CDNF: variants seen among roughly 807,000 people sequenced by gnomAD.
CDNF encodes the protein cerebral dopamine neurotrophic factor, also known as ARMET-like protein 1.
CDNF carries 9 observed loss-of-function variants against 14.8 expected under a neutral mutation model. The observed-to-expected ratio is 0.61, with a 90% CI of 0.37 to 1.06. The LOEUF (loss-of-function observed/expected upper bound fraction) is 1.06, where lower values mean the gene tolerates loss of function less well. Ranked by LOEUF, CDNF falls within the 50% of genes least tolerant of loss-of-function variation. The pLI, the probability that CDNF is intolerant of heterozygous loss-of-function variation, is 0.01. For synonymous variants in CDNF, 86 were observed against 87.2 expected (o/e 0.99, Z 0.07); for missense variants, 228 against 228.4 (o/e 1.00, Z 0.01).
chr10:14,826,095 A>AAGAAGAAGAAGAAGAAGAAGC (rs1426555042), intron 2 of CDNF, among the ~76,000 whole-genome samples: 37 of 87,600 alleles, frequency 4.2e-4, no homozygotes, highest in Non-Finnish European at 5.6e-4. Flanking sequence ...GAAGAAGAAG[A>AAGAAGAAGAAGAAGAAGAAGC]AGCAGCAGCA....
At chr10:14,833,350 C>T (rs1185067080) in intron 1 of CDNF, among the ~76,000 whole-genome samples, 2 of 152,136 alleles carry the variant, frequency 1.3e-5, no homozygotes, top group South Asian at 2.1e-4. Flanking sequence ...GCCTTCCTGA[C>T]GAAGAGGGAA....
intron 1 of CDNF, 104 bp from the exon 2 acceptor site, chr10:14,828,376 T>C (rs1833816995): frequency 1.8e-6 from 2 of 1,139,048 alleles, no homozygotes; most frequent in Admixed American, 2.1e-5. Context: ...GGGCTGGGCA[T>C]GGTGGCTTAC....
rs1360139360 is a variant in CDNF at position 14,819,993 on chromosome 10, T to C, written c.551A>G (p.Lys184Arg). ...LAPKYAATHPKTEL is the reference protein window; with the variant it reads ...LAPKYAATHPRTEL Reference sequence around the variant, plus strand: ...TGGCATTGGAGATCAGAGCTCTGTTTTGGGGTGTGTCGCTGCATACTTGGG... The same window carrying C: ...TGGCATTGGAGATCAGAGCTCTGTTCTGGGGTGTGTCGCTGCATACTTGGG... Residue 184 changes from lysine to arginine, a missense_variant, in exon 4 of 4, where the codon AAA (lysine) becomes AGA (arginine). By Grantham distance (26) the Lys-to-Arg change is conservative. Coordinates refer to ENST00000465530, the MANE Select transcript of CDNF (RefSeq NM_001029954.3). The C allele has an allele frequency of 1.2e-6, 2 of 1,613,756 alleles. No homozygotes were observed. The highest frequency in any genetic ancestry group is 1.1e-5 in the South Asian group (1 of 91,020).
At chr10:14,827,310 A>T (rs899514222) in intron 2 of CDNF, among the ~76,000 whole-genome samples, 2 of 152,180 alleles carry the variant, frequency 1.3e-5, no homozygotes, top group Admixed American at 6.5e-5. Context: ...AACAGCCAAC[A>T]TGCAGATGTA....
chr10:14,828,049 A>C (rs1292621518), intron 2 of CDNF, 96 bp downstream of exon 2: 3 of 1,274,956 alleles, frequency 2.4e-6, no homozygotes, highest in Non-Finnish European at 3.3e-6. Flanking sequence ...TACTTGAGGC[A>C]AACATGTAAG....
rs76708650 is a variant in CDNF at position 14,829,057 on chromosome 10, T to C, written c.116-785A>G. ...TTAAAAATATAAATAAAAAGAATGA[T>C]TTCAGGCCTGTTGCTATTAGTTTAG... On this transcript the variant is annotated intron_variant, in intron 1 of 3. Transcript: ENST00000465530. Among the ~76,000 whole-genome samples the C allele has an allele frequency of 9.6e-3, 1,468 of 152,152 alleles. 29 individuals carry two copies. Among genetic ancestry groups the C allele is most frequent in the African/African-American group, 0.034 (1,401 of 41,522 alleles).
chr10:14,829,444 C>G (rs555393265), intron 1 of CDNF, among the ~76,000 whole-genome samples: 2 of 152,318 alleles, frequency 1.3e-5, no homozygotes, highest in South Asian at 2.1e-4. Flanking sequence ...GACTCTGTCT[C>G]TGCACACACC....
chr10:14,825,448 C>G (rs1833771245), intron 3 of CDNF, 31 bp downstream of exon 3: 2 of 1,601,952 alleles, frequency 1.2e-6, no homozygotes, highest in Admixed American at 3.4e-5. Flanking sequence ...TCCATTGGAC[C>G]TACTGGGAAA....
In CDNF at chr10:14,825,611, G is replaced by A. The variant is rs574212035; in HGVS notation, c.253C>T (p.Leu85=). The change falls in exon 3 of 4, where the codon CTA becomes TTA. Residue 85 remains leucine, a synonymous_variant. Coordinates refer to ENST00000465530, the MANE Select transcript of CDNF (RefSeq NM_001029954.3). ...GTGGCTGCGTCTTTTGTGGCTCCTAGATAATAGCACTGAAGGAAAATGAAG... is the reference window on the plus strand; with the variant it reads ...GTGGCTGCGTCTTTTGTGGCTCCTAAATAATAGCACTGAAGGAAAATGAAG... ...KGKENRLCYY[L]GATKDAATKI... is the part of the protein sequence containing the mutation. The A allele has an allele frequency of 1.2e-6, 2 of 1,613,880 alleles. No individual in the cohort carries two copies. Among genetic ancestry groups the A allele is most frequent in the Non-Finnish European group, 8.5e-7 (1 of 1,179,912 alleles).
intron 3 of CDNF, 57 bp from the exon 4 acceptor site, chr10:14,820,215 T>A: frequency 1.9e-6 from 3 of 1,561,200 alleles, no homozygotes; most frequent in Non-Finnish European, 2.6e-6. Context: ...AAAATCCCTA[T>A]GAATCACTTC....
At chr10:14,833,590 C>A (rs1038949612) in intron 1 of CDNF, among the ~76,000 whole-genome samples, 5 of 151,500 alleles carry the variant, frequency 3.3e-5, no homozygotes, top group African/African-American at 1.2e-4. Flanking sequence ...TCTGGAGAAC[C>A]TTGACTAATA....
intron 1 of CDNF, among the ~76,000 whole-genome samples, chr10:14,829,094 A>C (rs1833822836): frequency 6.6e-6 from 1 of 152,216 alleles, no homozygotes; most frequent in African/African-American, 2.4e-5. Context: ...ATTGGGCCTA[A>C]ATGCAGTGGA....
rs1461695797 is a variant in CDNF, at chr10:14,827,759, G to C, written c.243+386C>G. Among the ~76,000 whole-genome samples, 4 of 152,094 alleles carry C rather than the reference G, an allele frequency of 2.6e-5. No individual in the cohort carries two copies. The East Asian group carries it at 7.7e-4, about 29-fold the overall frequency. On this transcript the variant is annotated intron_variant, in intron 2 of 3. Coordinates refer to ENST00000465530, the MANE Select transcript of CDNF (RefSeq NM_001029954.3). ...AATACATAATTAGCAGGGTGTGGTG[G>C]TGCACACCCGTAATCCTAGCTACTC...
At chr10:14,820,238 G>T in intron 3 of CDNF, 80 bp from the exon 4 acceptor site, 1 of 1,426,682 alleles carries the variant, frequency 7.0e-7, no homozygotes, top group Non-Finnish European at 9.6e-7. Context: ...AAGGCATATA[G>T]TTTGCTTATC....
intron 3 of CDNF, among the ~76,000 whole-genome samples, chr10:14,821,946 A>G (rs959244747): frequency 6.6e-6 from 1 of 152,258 alleles, no homozygotes; most frequent in African/African-American, 2.4e-5. Context: ...TCTTCGGCAA[A>G]GCAAATGAGC....
intron 1 of CDNF, among the ~76,000 whole-genome samples, chr10:14,829,286 C>T (rs1833824536): frequency 6.6e-6 from 1 of 152,206 alleles, no homozygotes; most frequent in Non-Finnish European, 1.5e-5. Flanking sequence ...TGGTGATCTG[C>T]ATAAGTCTTT....
At chr10:14,824,543 T>C (rs924322869) in intron 3 of CDNF, among the ~76,000 whole-genome samples, 5 of 149,438 alleles carry the variant, frequency 3.3e-5, no homozygotes, top group Non-Finnish European at 7.4e-5. Context: ...GAGGCAGAGA[T>C]TGCAGTGAGC....
chr10:14,820,534 C>G (rs545353278), intron 3 of CDNF, among the ~76,000 whole-genome samples: 1 of 151,994 alleles, frequency 6.6e-6, no homozygotes, highest in South Asian at 2.1e-4. Context: ...CGAGACCAGC[C>G]TGGCCAACAT....
intron 3 of CDNF, among the ~76,000 whole-genome samples, chr10:14,823,977 C>T (rs931616786): frequency 6.6e-6 from 1 of 152,182 alleles, no homozygotes; most frequent in African/African-American, 2.4e-5. Flanking sequence ...TCTGTGGTAA[C>T]TTTCAACCTT....
Sources: gnomAD v4.1 joint callset for allele counts (sites outside exome capture counted in the v4.1 genomes callset) on GRCh38, gnomAD v4.1.1 for gene constraint, MANE v1.5 for transcripts, NCBI Gene and HGNC (gene_info 2026-07-23, HGNC 2026-07-21) for gene names.